Variants in AKAP6 observed in about 807,000 individuals in gnomAD.
AKAP6 encodes the protein A-kinase anchoring protein 6, also known as A-kinase anchor protein 6.
A neutral mutation model predicts 188.5 loss-of-function variants in AKAP6; 58 were observed. The observed-to-expected ratio is 0.31, with a 90% CI of 0.25 to 0.38. The LOEUF (loss-of-function observed/expected upper bound fraction) is 0.38. Ranked by LOEUF, AKAP6 falls within the 10% of genes least tolerant of loss-of-function variation. The pLI is 1.00. For synonymous variants in AKAP6, 989 were observed against 998.6 expected, an observed-to-expected ratio of 0.99 and a Z score of 0.18; for missense variants, 2,710 against 2,740.0, an observed-to-expected ratio of 0.99 and a Z score of 0.24.
At chr14:32,700,338 T>A (rs1382016930) in intron 9 of AKAP6, among the ~76,000 whole-genome samples, 1 of 152,146 alleles carries the variant, frequency 6.6e-6, no homozygotes, top group Non-Finnish European at 1.5e-5. Flanking sequence ...CTCCAAGGGT[T>A]AATTTCAAGG....
intron 8 of AKAP6, among the ~76,000 whole-genome samples, chr14:32,683,675 C>A (rs550970325): frequency 6.6e-6 from 1 of 152,066 alleles, no homozygotes; most frequent in African/African-American, 2.4e-5. Flanking sequence ...GGAGGATGGC[C>A]CAGGGTCAGA....
chr14:32,789,392 A>G (rs2033536543), intron 12 of AKAP6, among the ~76,000 whole-genome samples: 1 of 152,234 alleles, frequency 6.6e-6, no homozygotes, highest in Non-Finnish European at 1.5e-5. Flanking sequence ...TGCTTCTTTA[A>G]GTAGATCCCT....
At chr14:32,642,398 G>T (rs1566621465) in intron 7 of AKAP6, among the ~76,000 whole-genome samples, 1 of 152,174 alleles carries the variant, frequency 6.6e-6, no homozygotes, top group African/African-American at 2.4e-5. Context: ...TACGTTGGCT[G>T]AAAACTTCTG....
rs1242519422 is a variant in AKAP6 at position 32,492,010 on chromosome 14, G to A, written c.325-43544G>A. Among the ~76,000 whole-genome samples the A allele has an allele frequency of 2.0e-5, 3 of 152,112 alleles. No homozygotes were observed. In the South Asian group the frequency reaches 6.2e-4, roughly 32 times the overall value. ...CCCTTCCTCTGTACTAGCCTGAAGTGTGAGGGTTATCTTATTATCCAGTTA... is the reference window on the plus strand; with the variant it reads ...CCCTTCCTCTGTACTAGCCTGAAGTATGAGGGTTATCTTATTATCCAGTTA... On this transcript the variant is annotated intron_variant, in intron 2 of 13. Coordinates refer to ENST00000280979, the MANE Select transcript of AKAP6 (RefSeq NM_004274.5).
intron 12 of AKAP6, among the ~76,000 whole-genome samples, chr14:32,795,398 C>G (rs570243987): frequency 6.6e-6 from 1 of 152,148 alleles, no homozygotes; most frequent in Non-Finnish European, 1.5e-5. Context: ...AAACTACTGG[C>G]AAACTGAATC....
chr14:32,583,183 C>T (rs1885060700), intron 5 of AKAP6, among the ~76,000 whole-genome samples: 1 of 152,098 alleles, frequency 6.6e-6, no homozygotes, highest in Non-Finnish European at 1.5e-5. Context: ...GGTGTCCTTT[C>T]TGTTTGTTAG....
chr14:32,677,600 C>T (rs1053974750), intron 7 of AKAP6, among the ~76,000 whole-genome samples: 2 of 152,194 alleles, frequency 1.3e-5, no homozygotes, highest in African/African-American at 2.4e-5. Flanking sequence ...GGAATCACAA[C>T]AGCTGCAATA....
rs183662759 is a variant in AKAP6, at chr14:32,375,620, A to G, written c.-35+46212A>G. The stretch of plus-strand genomic sequence containing the variant: ...TATTCAAAAGGCAGGAAAGGGAATC[A>G]CCCCAGATGGAAAGATAAATAACAT... On this transcript the variant is annotated intron_variant, in intron 1 of 13. Transcript: ENST00000280979. 9.6e-4 allele frequency among the ~76,000 whole-genome samples: 146 copies of G among 152,258 alleles called. 4 individuals are homozygous for G. The East Asian group carries it at 0.023, about 24-fold the overall frequency.
chr14:32,636,905 G>A (rs1339546639), intron 7 of AKAP6, among the ~76,000 whole-genome samples: 2 of 151,916 alleles, frequency 1.3e-5, no homozygotes, highest in Non-Finnish European at 2.9e-5. Flanking sequence ...AATTTAGAGG[G>A]GTCTCTAACA....
Position 32,720,834 on chromosome 14 carries a change from G to A in AKAP6, c.3001-11620G>A, listed in dbSNP as rs138490799. ...AATAGCCAACTGCACTCCAGCCTGG[G>A]CAACACAGCAAGAACCTGTCTCAAA... On this transcript the variant is annotated intron_variant, in intron 9 of 13. Coordinates refer to ENST00000280979, the MANE Select transcript of AKAP6 (RefSeq NM_004274.5). Among the ~76,000 whole-genome samples, 33 of 152,160 alleles carry A rather than the reference G, an allele frequency of 2.2e-4. No homozygotes were observed. In the East Asian group the frequency reaches 5.8e-3, roughly 27 times the overall value.
chr14:32,585,067 T>C (rs570484670), intron 5 of AKAP6, among the ~76,000 whole-genome samples: 2 of 151,708 alleles, frequency 1.3e-5, no homozygotes, highest in East Asian at 3.9e-4. Flanking sequence ...TTTTATAGTA[T>C]CCTTAGAATT....
intron 1 of AKAP6, among the ~76,000 whole-genome samples, chr14:32,378,772 G>A (rs566770199): frequency 6.6e-6 from 1 of 152,108 alleles, no homozygotes; most frequent in South Asian, 2.1e-4. Context: ...ACTTATAAAT[G>A]GAAATACTTT....
At chr14:32,387,465 T>A (rs1888569681) in intron 1 of AKAP6, among the ~76,000 whole-genome samples, 1 of 147,940 alleles carries the variant, frequency 6.8e-6, no homozygotes, top group Non-Finnish European at 1.5e-5. Flanking sequence ...ATTATATTTA[T>A]CATTTTTTAT....
At position 32,778,926 on chromosome 14, in the gene AKAP6, T is replaced by A. The variant is rs1421678697; in HGVS notation, c.3588+5033T>A. On this transcript the variant is annotated intron_variant, in intron 12 of 13. Transcript: ENST00000280979. ...ATGAATAGAATCATTTAAAAAAAAA[T>A]AAAAGAAAAAGAATAAAAAATAGAT... 9.4e-4 allele frequency among the ~76,000 whole-genome samples: 132 copies of A among 139,704 alleles called. 2 individuals carry two copies. The highest frequency in any genetic ancestry group is 3.6e-4 in the Admixed American group (5 of 13,914). 91.7% of individuals were successfully genotyped at this position (139,704 alleles called of 152,430 possible).
chr14:32,798,744 T>C (rs2033849920), intron 12 of AKAP6, among the ~76,000 whole-genome samples: 1 of 151,926 alleles, frequency 6.6e-6, no homozygotes, highest in African/African-American at 2.4e-5. Context: ...GGGAAGAGGG[T>C]AGAATAAAAA....
At chr14:32,511,374 T>G (rs1358277353) in intron 2 of AKAP6, among the ~76,000 whole-genome samples, 17 of 9,072 alleles carry the variant, frequency 1.9e-3, no homozygotes, top group African/African-American at 3.0e-3. Context: ...CCTTCTTGGT[T>G]TTTTTTTTTT....
At chr14:32,682,165 G>A (rs1023973383) in intron 8 of AKAP6, among the ~76,000 whole-genome samples, 6 of 152,100 alleles carry the variant, frequency 3.9e-5, no homozygotes, top group Non-Finnish European at 8.8e-5. Context: ...AGAGAGAGAG[G>A]GCTCTGGAGA....
At chr14:32,744,865 T>C (rs1459072884) in intron 11 of AKAP6, among the ~76,000 whole-genome samples, 1 of 152,086 alleles carries the variant, frequency 6.6e-6, no homozygotes, top group Non-Finnish European at 1.5e-5. Flanking sequence ...AGCTCACTAA[T>C]TCTTCTGCTT....
chr14:32,360,425 C>T (rs917565696), intron 1 of AKAP6, among the ~76,000 whole-genome samples: 1 of 152,292 alleles, frequency 6.6e-6, no homozygotes, highest in African/African-American at 2.4e-5. Context: ...CCGCGCCTGG[C>T]CTATCCTCTT....
Sources: allele counts gnomAD v4.1 joint callset (sites outside exome capture counted in the v4.1 genomes callset), GRCh38; gene constraint gnomAD v4.1.1; transcripts MANE v1.5; gene names NCBI Gene and HGNC (gene_info 2026-07-23, HGNC 2026-07-21).